Variants in GSDMC observed in about 807,000 individuals in gnomAD.
GSDMC encodes the protein gasdermin C.
Under a neutral mutation model 58.0 loss-of-function variants are expected in GSDMC, and 59 were observed. The observed-to-expected ratio is 1.02, with a 90% CI of 0.82 to 1.26. The LOEUF (loss-of-function observed/expected upper bound fraction) is 1.26. GSDMC is among the 50% of genes most tolerant of loss of function. The pLI is 0.00. For synonymous variants in GSDMC, 241 were observed against 220.2 expected, an observed-to-expected ratio of 1.09 and a Z score of -0.83; for missense variants, 659 against 598.5, an observed-to-expected ratio of 1.10 and a Z score of -1.06.
chr8:129,734,052 A>G, the GSDMC span, among the ~76,000 whole-genome samples: 1 of 152,230 alleles, frequency 6.6e-6, no homozygotes, highest in Non-Finnish European at 1.5e-5. Context: ...CAGCCGATTC[A>G]ATCAAGAGGA....
At chr8:129,752,945 A>G (rs776710492) in intron 6 of GSDMC, 125 bp from the exon 7 acceptor site, 3 of 1,467,588 alleles carry the variant, frequency 2.0e-6, no homozygotes, top group Non-Finnish European at 2.7e-6. Flanking sequence ...GAGCATTTGA[A>G]CAAGACCCAC....
At chr8:129,723,521 C>T in the GSDMC span, among the ~76,000 whole-genome samples, 1 of 151,462 alleles carries the variant, frequency 6.6e-6, no homozygotes, top group Admixed American at 6.6e-5. Context: ...CCGCCTCGGC[C>T]TCCAAAAGTG....
In GSDMC at chr8:129,773,291, A is replaced by G. The variant is rs564268995; in HGVS notation, c.404+2811T>C. Among the ~76,000 whole-genome samples, 39 of 152,316 alleles carry G rather than the reference A, an allele frequency of 2.6e-4. No individual in the cohort carries two copies. The South Asian group carries it at 7.9e-3, about 31-fold the overall frequency. On this transcript the variant is annotated intron_variant, in intron 3 of 13. Coordinates refer to ENST00000276708, the MANE Select transcript of GSDMC (RefSeq NM_031415.3). ...TGCCAGTGAAATTAGGGAAAAATAA[A>G]TTAATAAAAGGAGCCTAATAGGAAA...
chr8:129,746,478 T>A (rs1403482896), downstream of GSDMC, among the ~76,000 whole-genome samples: 1 of 152,186 alleles, frequency 6.6e-6, no homozygotes, highest in Admixed American at 6.5e-5. Context: ...GGACAATTGG[T>A]ATCTGTGAGG....
the GSDMC span, among the ~76,000 whole-genome samples, chr8:129,737,214 C>A: frequency 1.3e-5 from 2 of 152,242 alleles, no homozygotes; most frequent in East Asian, 3.9e-4. Flanking sequence ...GGCCATACTG[C>A]CCAAGGTAAT....
the GSDMC span, among the ~76,000 whole-genome samples, chr8:129,713,867 G>T: frequency 2.6e-5 from 4 of 152,150 alleles, no homozygotes; most frequent in Admixed American, 2.0e-4. Context: ...CCTGACTCAG[G>T]GGGGATTTAT....
chr8:129,733,151 C>T, the GSDMC span, among the ~76,000 whole-genome samples: 1 of 152,252 alleles, frequency 6.6e-6, no homozygotes, highest in Non-Finnish European at 1.5e-5. Context: ...GTAAACAAAG[C>T]AGCTGGGGAA....
Position 129,777,520 on chromosome 8 carries a change from G to T in GSDMC, c.68C>A (p.Pro23His). 5.6e-6 allele frequency: 9 copies of T among 1,613,244 alleles called. No individual in the cohort carries two copies. Among genetic ancestry groups the T allele is most frequent in the Middle Eastern group, 3.3e-4 (2 of 6,060 alleles). Residue 23 changes from proline (P) to histidine (H), a missense_variant, in exon 2 of 14, where the codon CCT becomes CAT. By Grantham distance (77) the Pro-to-His change is moderately conservative. Transcript: ENST00000276708. Reference protein sequence around the residue: ...VKEIGSKDLTPVKYLLSATKL... With the variant: ...VKEIGSKDLTHVKYLLSATKL... ...GGTGGCACTCAATAGGTATTTGACA[G>T]GTGTCAGGTCTTTGCTTCCAATCTC...
chr8:129,784,248 T>A (rs1033776066), intron 1 of GSDMC, among the ~76,000 whole-genome samples: 5 of 151,888 alleles, frequency 3.3e-5, no homozygotes, highest in African/African-American at 9.7e-5. Context: ...AAATTGGATC[T>A]CATCAAGTTA....
At chr8:129,769,357 G>A (rs530281166) in intron 3 of GSDMC, among the ~76,000 whole-genome samples, 2 of 152,268 alleles carry the variant, frequency 1.3e-5, no homozygotes, top group South Asian at 4.2e-4. Flanking sequence ...GCTAAGAAAG[G>A]ATGATATATT....
chr8:129,755,792 T>C (rs2033404191), intron 6 of GSDMC, among the ~76,000 whole-genome samples: 1 of 151,924 alleles, frequency 6.6e-6, no homozygotes, highest in Non-Finnish European at 1.5e-5. Flanking sequence ...AATGTTAAGT[T>C]CTCATCAGTT....
chr8:129,783,180 A>T (rs1460874435), intron 1 of GSDMC, among the ~76,000 whole-genome samples: 1 of 152,170 alleles, frequency 6.6e-6, no homozygotes, highest in Non-Finnish European at 1.5e-5. Context: ...AAACCCCTCA[A>T]AAAACTGGGT....
At chr8:129,720,085 A>G in the GSDMC span, among the ~76,000 whole-genome samples, 1 of 152,200 alleles carries the variant, frequency 6.6e-6, no homozygotes, top group Non-Finnish European at 1.5e-5. Flanking sequence ...ATGAACAGAA[A>G]AGACACTCAA....
chr8:129,711,369 G>T, the GSDMC span, among the ~76,000 whole-genome samples: 1 of 152,160 alleles, frequency 6.6e-6, no homozygotes, highest in East Asian at 1.9e-4. Flanking sequence ...GAAGGTGGAA[G>T]AGATTTGTTG....
chr8:129,765,088 T>C (rs1467134471), intron 4 of GSDMC, among the ~76,000 whole-genome samples: 2 of 152,210 alleles, frequency 1.3e-5, no homozygotes, highest in South Asian at 2.1e-4. Flanking sequence ...CCTTGACCCA[T>C]ACTTAATCTG....
rs761056719 is a variant in GSDMC, at chr8:129,750,469, G to T, written c.1045C>A (p.Leu349Ile). ...DVMFYSILAMLRDRGALQDLM... is the reference protein window; with the variant it reads ...DVMFYSILAMIRDRGALQDLM... ...TCCTGTAGAGCCCCTCTGTCTCTGA[G>T]CATGGCCAGGATACTGTAGAACATG... is the stretch of plus-strand genomic sequence containing the variant. Residue 349 changes from leucine (L) to isoleucine (I), a missense_variant, in exon 11 of 14, where the codon CTC (leucine) becomes ATC (isoleucine). Leu to Ile is a conservative substitution (Grantham distance 5). Coordinates refer to ENST00000276708, the MANE Select transcript of GSDMC (RefSeq NM_031415.3). 1 of 1,613,884 alleles carries T rather than the reference G, an allele frequency of 6.2e-7. No homozygotes were observed. Among genetic ancestry groups the T allele is most frequent in the Non-Finnish European group, 8.5e-7 (1 of 1,179,884 alleles).
the GSDMC span, among the ~76,000 whole-genome samples, chr8:129,725,404 C>A: frequency 1.3e-5 from 2 of 152,192 alleles, no homozygotes; most frequent in Admixed American, 6.5e-5. Flanking sequence ...ATTGTGTACT[C>A]TGCCACATGC....
At chr8:129,709,054 T>G in the GSDMC span, among the ~76,000 whole-genome samples, 1 of 152,232 alleles carries the variant, frequency 6.6e-6, no homozygotes, top group Non-Finnish European at 1.5e-5. Context: ...CCCCCTTCAT[T>G]TTGTATATTC....
chr8:129,785,649 T>A (rs2034535677), intron 1 of GSDMC, among the ~76,000 whole-genome samples: 1 of 152,136 alleles, frequency 6.6e-6, no homozygotes, highest in Non-Finnish European at 1.5e-5. Flanking sequence ...TTTTTGAACT[T>A]TCTAAATATG....
Sources: gnomAD v4.1 joint callset for allele counts (sites outside exome capture counted in the v4.1 genomes callset) on GRCh38, gnomAD v4.1.1 for gene constraint, MANE v1.5 for transcripts, NCBI Gene and HGNC (gene_info 2026-07-23, HGNC 2026-07-21) for gene names.